The following UBE2E1 variants were observed in gnomAD, a reference collection of about 807,000 sequenced individuals.
The protein encoded by UBE2E1 is ubiquitin-conjugating enzyme E2 E1.
UBE2E1 carries 6 observed loss-of-function variants against 21.4 expected under a neutral mutation model. That is an observed-to-expected ratio of 0.28 (90% CI 0.15 to 0.55). UBE2E1 has a LOEUF of 0.55. Among genes scored for constraint, UBE2E1 ranks in the 20% least tolerant of loss-of-function variants. The probability of loss-of-function intolerance (pLI) is 0.93; values close to 1 mark genes in which losing one functional copy is unlikely to be tolerated. For missense variants in UBE2E1, 142 were observed against 236.5 expected (o/e 0.60, Z 2.62); for synonymous variants, 87 against 82.7 (o/e 1.05, Z -0.28).
rs1473548388 is a variant in UBE2E1, at chr3:23,853,154, G to T, written c.204-34413G>T. Reference sequence around the variant, plus strand: ...GTGATCTGCCCACCTTGGCCTCCCAGAGTGCTGGGATTACAGGCGTGAGCC... The same window carrying T: ...GTGATCTGCCCACCTTGGCCTCCCATAGTGCTGGGATTACAGGCGTGAGCC... On this transcript the variant is annotated intron_variant, in intron 3 of 5. Transcript: ENST00000306627. The surrounding 1 kb of genome is among the most constrained non-coding windows in gnomAD (Gnocchi z 4.1). Among the ~76,000 whole-genome samples, 1 of 152,124 alleles carries T rather than the reference G, an allele frequency of 6.6e-6. No homozygotes were observed. Among genetic ancestry groups the T allele is most frequent in the Non-Finnish European group, 1.5e-5 (1 of 68,012 alleles).
chr3:23,878,863 T>TA (rs1184737042), intron 3 of UBE2E1: 7 of 310,804 alleles, frequency 2.3e-5, no homozygotes, highest in Admixed American at 4.1e-5. Flanking sequence ...CTAATAGAAA[T>TA]AGAGTGCACA....
In UBE2E1 at chr3:23,808,394, G is replaced by T. The variant is rs1032596217; in HGVS notation, c.152+973G>T. ...ATCCTTCTGCTCTCAGAGTTAGGCA[G>T]TTGTTAAAAAGGTGGCAAACCAGGA... On this transcript the variant is annotated intron_variant, in intron 2 of 5. Coordinates refer to ENST00000306627, the MANE Select transcript of UBE2E1 (RefSeq NM_003341.5). This position sits in a 1 kb window ranked among gnomAD's most constrained non-coding sequence, Gnocchi z 4.9. Among the ~76,000 whole-genome samples, 1 of 152,184 alleles carries T rather than the reference G, an allele frequency of 6.6e-6. No individual in the cohort carries two copies. Among genetic ancestry groups the T allele is most frequent in the African/African-American group, 2.4e-5 (1 of 41,436 alleles).
intron 3 of UBE2E1, among the ~76,000 whole-genome samples, chr3:23,851,544 C>T (rs560186398): frequency 6.6e-6 from 1 of 152,218 alleles, no homozygotes; most frequent in East Asian, 1.9e-4. Flanking sequence ...CTCATGCCTA[C>T]TATATTCCCA....
Position 23,823,392 on chromosome 3 carries a change from G to A in UBE2E1, c.203+11882G>A, listed in dbSNP as rs1219493594. Among the ~76,000 whole-genome samples, 1 of 152,198 alleles carries A rather than the reference G, an allele frequency of 6.6e-6. No individual in the cohort carries two copies. Among genetic ancestry groups the A allele is most frequent in the Non-Finnish European group, 1.5e-5 (1 of 68,030 alleles). On this transcript the variant is annotated intron_variant, in intron 3 of 5. Coordinates refer to ENST00000306627, the MANE Select transcript of UBE2E1 (RefSeq NM_003341.5). The surrounding 1 kb of genome is among the most constrained non-coding windows in gnomAD (Gnocchi z 4.2). ...AGAGTAATTAGTTGGAATCACAAAA[G>A]CATTAGGTGCTGAACTGCCAGAGAC...
chr3:23,809,789 T>C (rs1699346786), intron 2 of UBE2E1, among the ~76,000 whole-genome samples: 8 of 152,068 alleles, frequency 5.3e-5, no homozygotes, highest in Admixed American at 5.2e-4. Flanking sequence ...AATACAGTTA[T>C]TTGAAAAGAT....
intron 3 of UBE2E1, chr3:23,879,335 G>A (rs1700984967): frequency 1.4e-6 from 1 of 718,090 alleles, no homozygotes; most frequent in Non-Finnish European, 2.3e-6. Flanking sequence ...TTTTCTCCGT[G>A]TTAAATCTTT....
At position 23,810,509 on chromosome 3, in the gene UBE2E1, G is replaced by C; in HGVS notation, c.153-951G>C. 6.5e-7 allele frequency: 1 copy of C among 1,535,564 alleles called. No homozygotes were observed. Among genetic ancestry groups the C allele is most frequent in the Non-Finnish European group, 8.7e-7 (1 of 1,146,578 alleles). ...AGTGGGCAGACCCCGGGAAGTTAGAGGACGCCCGGGGAAAAGCAGGTCCGG... is the reference window on the plus strand; with the variant it reads ...AGTGGGCAGACCCCGGGAAGTTAGACGACGCCCGGGGAAAAGCAGGTCCGG... On this transcript the variant is annotated intron_variant, in intron 2 of 5. Coordinates refer to ENST00000306627, the MANE Select transcript of UBE2E1 (RefSeq NM_003341.5). This position sits in a 1 kb window ranked among gnomAD's most constrained non-coding sequence, Gnocchi z 5.8.
At chr3:23,889,341 C>G in intron 5 of UBE2E1, 82 bp downstream of exon 5, 3 of 1,594,342 alleles carry the variant, frequency 1.9e-6, no homozygotes, top group South Asian at 1.1e-5. Context: ...AAGGACAAAA[C>G]TAATTTTTCT....
intron 3 of UBE2E1, among the ~76,000 whole-genome samples, chr3:23,880,635 GA>G (rs1414072716): frequency 5.9e-5 from 9 of 152,326 alleles, no homozygotes; most frequent in African/African-American, 2.2e-4. Flanking sequence ...TTTGAAAATT[GA>G]AATGCAGATT....
intron 3 of UBE2E1, among the ~76,000 whole-genome samples, chr3:23,873,368 G>C (rs1047190226): frequency 4.6e-5 from 7 of 152,176 alleles, no homozygotes; most frequent in Admixed American, 2.6e-4. Flanking sequence ...CTGAGGGAAG[G>C]TACAGGGAGC....
chr3:23,825,308 G>T (rs538127761), intron 3 of UBE2E1, among the ~76,000 whole-genome samples: 1 of 152,170 alleles, frequency 6.6e-6, no homozygotes, highest in Non-Finnish European at 1.5e-5. Context: ...GCAGTGCTTT[G>T]GTCTGTGCCT....
chr3:23,856,952 G>C (rs1700454168), intron 3 of UBE2E1, among the ~76,000 whole-genome samples: 1 of 148,628 alleles, frequency 6.7e-6, no homozygotes, highest in African/African-American at 2.5e-5. Flanking sequence ...GCAGTGCGCT[G>C]TGATCACAAC....
intron 3 of UBE2E1, among the ~76,000 whole-genome samples, chr3:23,879,686 G>A (rs1251501240): frequency 1.3e-5 from 2 of 152,214 alleles, no homozygotes; most frequent in Non-Finnish European, 2.9e-5. Context: ...CGCGGCGGAG[G>A]ACAGGGCACC....
Position 23,842,198 on chromosome 3 carries a change from G to GGTGTGTGTGT in UBE2E1, c.203+30730_203+30739dup, listed in dbSNP as rs55941535. Among the ~76,000 whole-genome samples the GGTGTGTGTGT allele has an allele frequency of 3.0e-3, 310 of 104,302 alleles. 5 individuals are homozygous for GGTGTGTGTGT. Among genetic ancestry groups the GGTGTGTGTGT allele is most frequent in the African/African-American group, 5.6e-3 (155 of 27,684 alleles). 68.4% of individuals were successfully genotyped at this position (104,302 alleles called of 152,430 possible). On this transcript the variant is annotated intron_variant, in intron 3 of 5. Coordinates refer to ENST00000306627, the MANE Select transcript of UBE2E1 (RefSeq NM_003341.5). The surrounding 1 kb of genome is among the most constrained non-coding windows in gnomAD (Gnocchi z 4.6). Reference sequence around the variant, plus strand: ...TATGTCATGACCCAGTAAGTGAAGGGGTGTGTGTGTGTGTGTGTGTGTGTG... The same window carrying GGTGTGTGTGT: ...TATGTCATGACCCAGTAAGTGAAGGGGTGTGTGTGTGTGTGTGTGTGTGTGTGTGTGTGTG...
chr3:23,839,473 AAAT>A (rs56960999), intron 3 of UBE2E1, among the ~76,000 whole-genome samples: 41 of 150,964 alleles, frequency 2.7e-4, no homozygotes, highest in East Asian at 5.8e-4. Context: ...CAAAAAAAGA[AAAT>A]AATAATAATA....
chr3:23,859,463 A>G (rs1700505966), intron 3 of UBE2E1, among the ~76,000 whole-genome samples: 1 of 152,138 alleles, frequency 6.6e-6, no homozygotes. Flanking sequence ...CATGTGGATG[A>G]CCCATATCTA....
chr3:23,864,130 A>G (rs745676591), intron 3 of UBE2E1, among the ~76,000 whole-genome samples: 1 of 152,106 alleles, frequency 6.6e-6, no homozygotes, highest in Non-Finnish European at 1.5e-5. Flanking sequence ...CACTTGATTG[A>G]TAGTTTGTCT....
chr3:23,812,207 A>G (rs1261094748), intron 3 of UBE2E1, among the ~76,000 whole-genome samples: 1 of 145,016 alleles, frequency 6.9e-6, no homozygotes, highest in African/African-American at 2.7e-5. Flanking sequence ...TGATGACTTT[A>G]CTAGATCAAC....
intron 3 of UBE2E1, among the ~76,000 whole-genome samples, chr3:23,855,694 G>A (rs1020952958): frequency 1.3e-5 from 2 of 152,072 alleles, no homozygotes. Context: ...GCTGGGCGTG[G>A]TGGTGGGCGC....
Sources: gnomAD v4.1 joint callset for allele counts (sites outside exome capture counted in the v4.1 genomes callset) on GRCh38, gnomAD v4.1.1 for gene constraint, Gnocchi (gnomAD v3.1) non-coding constraint, MANE v1.5 for transcripts, NCBI Gene and HGNC (gene_info 2026-07-23, HGNC 2026-07-21) for gene names.